The following SOX5 variants were observed in gnomAD, a reference collection of about 807,000 sequenced individuals.
SOX5 encodes transcription factor SOX-5.
In SOX5, 9 loss-of-function variants were observed where a neutral mutation model predicts 92.0. That is an observed-to-expected ratio of 0.10 (90% CI 0.06 to 0.17). The LOEUF (loss-of-function observed/expected upper bound fraction) is 0.17. Ranked by LOEUF, SOX5 falls within the 10% of genes least tolerant of loss-of-function variation. The pLI, the probability that SOX5 is intolerant of heterozygous loss-of-function variation, is 1.00. For synonymous variants in SOX5, 344 were observed against 336.3 expected (o/e 1.02, Z -0.25); for missense variants, 642 against 944.5 (o/e 0.68, Z 4.20).
chr12:23,883,638 A>G (rs1248863265), intron 2 of SOX5, among the ~76,000 whole-genome samples: 1 of 152,160 alleles, frequency 6.6e-6, no homozygotes, highest in Non-Finnish European at 1.5e-5. Flanking sequence ...CAAAACTTAG[A>G]CAAGATCACA....
chr12:24,450,030 C>A (rs1596785299), intron 1 of SOX5, among the ~76,000 whole-genome samples: 2 of 152,154 alleles, frequency 1.3e-5, no homozygotes, highest in East Asian at 1.9e-4. Flanking sequence ...TGAGTATGCG[C>A]AACCACAATA....
intron 1 of SOX5, among the ~76,000 whole-genome samples, chr12:23,908,321 T>C (rs559093718): frequency 2.0e-4 from 31 of 152,060 alleles, no homozygotes; most frequent in Non-Finnish European, 4.1e-4. Flanking sequence ...AACATCAGCA[T>C]CAGATTTGTT....
intron 4 of SOX5, among the ~76,000 whole-genome samples, chr12:23,968,871 A>T (rs1427243604): frequency 6.6e-6 from 1 of 151,962 alleles, no homozygotes; most frequent in Non-Finnish European, 1.5e-5. Flanking sequence ...TTGGTCTGAG[A>T]TTTCTCACTT....
At chr12:24,345,570 TGATTA>T (rs567619634) in intron 2 of SOX5, among the ~76,000 whole-genome samples, 51 of 152,320 alleles carry the variant, frequency 3.3e-4, no homozygotes, top group African/African-American at 1.1e-3. Flanking sequence ...ACCTGTTTAT[TGATTA>T]GATTAATTAT....
At chr12:23,584,400 AG>A (rs1166110063) in intron 9 of SOX5, 1 of 648,368 alleles carries the variant, frequency 1.5e-6, no homozygotes, top group African/African-American at 1.8e-5. Context: ...ATCTTTGAAA[AG>A]TTTGGTCTGG....
Position 24,082,404 on chromosome 12 carries a change from G to GAAAAAAAA in SOX5, c.-2+130931_-2+130938dup, listed in dbSNP as rs58736325. Reference sequence around the variant, plus strand: ...TCACCAGGGCTGCTCCTTTCGAAAAGAAAAAAAAAAAAAAAAAAAAAAAAA... The same window carrying GAAAAAAAA: ...TCACCAGGGCTGCTCCTTTCGAAAAGAAAAAAAAAAAAAAAAAAAAAAAAAAAAAAAAA... On this transcript the variant is annotated intron_variant, in intron 4 of 4. Coordinates refer to the SOX5 transcript ENST00000446891. Among the ~76,000 whole-genome samples, 54 of 73,450 alleles carry GAAAAAAAA rather than the reference G, an allele frequency of 7.4e-4. 6 individuals are homozygous for GAAAAAAAA. The highest frequency in any genetic ancestry group is 8.5e-4 in the Non-Finnish European group (35 of 41,366). The allele number at this position is 73,450 out of a possible 152,430, so 48.2% of individuals were successfully genotyped here. A position where few individuals can be genotyped will look rare whatever the true frequency, so the allele number is the denominator to read the frequency against.
At chr12:24,442,075 G>A (rs1429130992) in intron 1 of SOX5, among the ~76,000 whole-genome samples, 2 of 152,154 alleles carry the variant, frequency 1.3e-5, no homozygotes, top group Non-Finnish European at 2.9e-5. Flanking sequence ...ATAAGTAAAT[G>A]AGAAACAGTT....
intron 4 of SOX5, among the ~76,000 whole-genome samples, chr12:23,980,622 T>G (rs66731110): frequency 0.24 from 36,192 of 152,170 alleles, 4,601 homozygotes; most frequent in African/African-American, 0.3. Context: ...ACAACATTTC[T>G]GGTATATTCC....
chr12:23,855,646 T>A (rs2096679088), intron 2 of SOX5, among the ~76,000 whole-genome samples: 1 of 152,068 alleles, frequency 6.6e-6, no homozygotes. Flanking sequence ...AAATCCTTAT[T>A]TTCTTACAGG....
At chr12:24,452,110 A>G (rs1354665274) in intron 1 of SOX5, among the ~76,000 whole-genome samples, 1 of 152,196 alleles carries the variant, frequency 6.6e-6, no homozygotes, top group East Asian at 1.9e-4. Flanking sequence ...GGCTCAATTA[A>G]TAGATTTATG....
intron 4 of SOX5, among the ~76,000 whole-genome samples, chr12:24,042,533 T>C (rs71450408): frequency 0.12 from 18,442 of 152,170 alleles, 1,301 homozygotes; most frequent in Non-Finnish European, 0.16. Flanking sequence ...AAAGTTTCTC[T>C]AGATAATGCA....
intron 6 of SOX5, among the ~76,000 whole-genome samples, chr12:23,729,451 C>CTAAGAATACAAGAGAATGGAACTAAGA (rs2093304649): frequency 6.6e-6 from 1 of 152,164 alleles, no homozygotes; most frequent in African/African-American, 2.4e-5. Context: ...TTCCTTCCTA[C>CTAAGAATACAAGAGAATGGAACTAAGA]ATACTATGCA....
At chr12:23,749,985 G>A (rs1289471959) in intron 4 of SOX5, among the ~76,000 whole-genome samples, 1 of 151,796 alleles carries the variant, frequency 6.6e-6, no homozygotes, top group Non-Finnish European at 1.5e-5. Context: ...GTGTGCTAGG[G>A]ACAGATCTAA....
chr12:24,312,388 A>G (rs1268239079), intron 2 of SOX5, among the ~76,000 whole-genome samples: 2 of 152,148 alleles, frequency 1.3e-5, no homozygotes, highest in African/African-American at 2.4e-5. Context: ...AATCCCTCCA[A>G]TTGCAGTGAG....
chr12:23,694,084 G>A (rs1387741318), intron 6 of SOX5, among the ~76,000 whole-genome samples: 1 of 152,100 alleles, frequency 6.6e-6, no homozygotes, highest in African/African-American at 2.4e-5. Context: ...TTATTTTACA[G>A]ACTTTTGCTC....
intron 2 of SOX5, among the ~76,000 whole-genome samples, chr12:24,356,216 A>G (rs1954809373): frequency 6.6e-6 from 1 of 152,248 alleles, no homozygotes; most frequent in Non-Finnish European, 1.5e-5. Context: ...AAGGAAACAC[A>G]GAGATCAAAG....
intron 6 of SOX5, among the ~76,000 whole-genome samples, chr12:23,677,699 A>G (rs892340495): frequency 6.6e-6 from 1 of 152,176 alleles, no homozygotes; most frequent in African/African-American, 2.4e-5. Flanking sequence ...CTTTTGTTCA[A>G]ATTTCCCAGT....
At chr12:23,943,732 G>C (rs137869717) in intron 1 of SOX5, among the ~76,000 whole-genome samples, 2 of 152,076 alleles carry the variant, frequency 1.3e-5, no homozygotes, top group Non-Finnish European at 2.9e-5. Flanking sequence ...AATGAGCCGA[G>C]TTCAGGTTTG....
At chr12:24,008,047 C>T (rs548293675) in intron 4 of SOX5, among the ~76,000 whole-genome samples, 102 of 151,824 alleles carry the variant, frequency 6.7e-4, no homozygotes, top group African/African-American at 2.1e-3. Flanking sequence ...AAACCAGAAA[C>T]GTCTATAGAG....
Sources: allele counts gnomAD v4.1 joint callset (sites outside exome capture counted in the v4.1 genomes callset), GRCh38; gene constraint gnomAD v4.1.1; transcripts MANE v1.5; gene names NCBI Gene and HGNC (gene_info 2026-07-23, HGNC 2026-07-21).